The following CAPS2 variants were observed in gnomAD, a reference collection of about 807,000 sequenced individuals.
The protein encoded by CAPS2 is calcyphosin-2.
CAPS2 carries 98 observed loss-of-function variants against 86.5 expected under a neutral mutation model. The ratio of observed to expected loss-of-function variants is 1.13; its 90% confidence interval spans 0.96 to 1.34. The LOEUF (loss-of-function observed/expected upper bound fraction) is 1.34. Among genes scored for constraint, CAPS2 ranks in the 40% most tolerant of loss-of-function variants. The pLI is 0.00. For synonymous variants in CAPS2, 210 were observed against 225.1 expected, an observed-to-expected ratio of 0.93 and a Z score of 0.60; for missense variants, 729 against 686.8, an observed-to-expected ratio of 1.06 and a Z score of -0.69.
intron 9 of CAPS2, among the ~76,000 whole-genome samples, chr12:75,299,496 T>C (rs998900701): frequency 2.0e-5 from 3 of 152,134 alleles, no homozygotes; most frequent in Non-Finnish European, 4.4e-5. Flanking sequence ...TGTTAAATCA[T>C]TAAGATAAAA....
At chr12:75,362,349 G>A (rs2043652446) in intron 1 of CAPS2, among the ~76,000 whole-genome samples, 1 of 152,128 alleles carries the variant, frequency 6.6e-6, no homozygotes, top group Non-Finnish European at 1.5e-5. Context: ...GAGTGACCAT[G>A]CCAAATGCTG....
chr12:75,300,784 G>A (rs2037718824), intron 8 of CAPS2, among the ~76,000 whole-genome samples: 1 of 151,984 alleles, frequency 6.6e-6, no homozygotes, highest in Non-Finnish European at 1.5e-5. Context: ...CGACCAAAAA[G>A]ATATAGGAAA....
At chr12:75,346,450 G>A (rs2042453876) in intron 1 of CAPS2, among the ~76,000 whole-genome samples, 3 of 152,016 alleles carry the variant, frequency 2.0e-5, no homozygotes, top group Admixed American at 2.0e-4. Flanking sequence ...GAGTACAGTG[G>A]CGTGATCTCA....
At chr12:75,382,972 T>G (rs1158190958) in intron 1 of CAPS2, among the ~76,000 whole-genome samples, 1 of 152,216 alleles carries the variant, frequency 6.6e-6, no homozygotes, top group Non-Finnish European at 1.5e-5. Context: ...GATAAATTAT[T>G]TCCATCACTT....
At chr12:75,305,676 A>G (rs1245826529) in intron 7 of CAPS2, 2 of 652,756 alleles carry the variant, frequency 3.1e-6, no homozygotes, top group East Asian at 7.1e-5. Context: ...AGCACTGCCC[A>G]GTCTGGCCCG....
intron 1 of CAPS2, among the ~76,000 whole-genome samples, chr12:75,376,158 T>C (rs893769921): frequency 6.6e-6 from 1 of 152,218 alleles, no homozygotes; most frequent in Non-Finnish European, 1.5e-5. Context: ...GGGCCATCGT[T>C]TGATCCATGT....
chr12:75,308,449 C>T (rs1233488460), intron 7 of CAPS2, among the ~76,000 whole-genome samples: 2 of 152,156 alleles, frequency 1.3e-5, no homozygotes, highest in Non-Finnish European at 2.9e-5. Context: ...GCTGCTCCCA[C>T]CCTGTGGAGT....
intron 6 of CAPS2, among the ~76,000 whole-genome samples, 190 bp downstream of exon 6, chr12:75,316,121 AT>A (rs528691730): frequency 2.2e-4 from 33 of 152,196 alleles, no homozygotes; most frequent in African/African-American, 6.0e-4. Flanking sequence ...ATTCCAGACA[AT>A]TTTTTTACAG....
At chr12:75,304,821 G>A (rs1448073059) in exon 8 of CAPS2, 1 of 1,611,396 alleles carries the variant, frequency 6.2e-7, no homozygotes, top group South Asian at 1.1e-5. Context: ...GGAAGGATAT[G>A]ATCACTTTCT....
chr12:75,289,011 GT>G (rs2035387342), intron 14 of CAPS2, among the ~76,000 whole-genome samples: 1 of 152,184 alleles, frequency 6.6e-6, no homozygotes, highest in Non-Finnish European at 1.5e-5. Flanking sequence ...AGAAAACCCA[GT>G]ATGTGAAGAT....
At chr12:75,280,162 T>C (rs936166304) in intron 16 of CAPS2, among the ~76,000 whole-genome samples, 1 of 151,946 alleles carries the variant, frequency 6.6e-6, no homozygotes, top group African/African-American at 2.4e-5. Flanking sequence ...TACTTTTATC[T>C]AATATATTAC....
At chr12:75,316,326 T>G (rs1026189988) in exon 6 of CAPS2, 3 of 1,550,934 alleles carry the variant, frequency 1.9e-6, no homozygotes, top group Admixed American at 3.9e-5. Flanking sequence ...TCCAATTTTC[T>G]TGCCCTCTGT....
At chr12:75,331,983 T>C (rs2041360125), upstream of CAPS2, among the ~76,000 whole-genome samples, 1 of 152,244 alleles carries the variant, frequency 6.6e-6, no homozygotes, top group African/African-American at 2.4e-5. Flanking sequence ...TGTTGATTCC[T>C]GGCAATTAGA....
chr12:75,377,479 A>C (rs2044710296), intron 1 of CAPS2, among the ~76,000 whole-genome samples: 1 of 152,340 alleles, frequency 6.6e-6, no homozygotes, highest in South Asian at 2.1e-4. Context: ...CCCACAATGC[A>C]GCCATCAGTC....
intron 1 of CAPS2, among the ~76,000 whole-genome samples, chr12:75,339,826 G>A (rs2041983715): frequency 2.0e-5 from 3 of 151,740 alleles, no homozygotes; most frequent in South Asian, 2.1e-4. Context: ...TTCTCCCAGC[G>A]GAAAAGTTAT....
chr12:75,299,596 TA>T (rs957876426), intron 9 of CAPS2, among the ~76,000 whole-genome samples: 2 of 152,128 alleles, frequency 1.3e-5, no homozygotes, highest in Non-Finnish European at 2.9e-5. Flanking sequence ...TGTTACTTTT[TA>T]AAAAATATTT....
chr12:75,383,644 T>C (rs2045122686), intron 1 of CAPS2, among the ~76,000 whole-genome samples: 1 of 152,102 alleles, frequency 6.6e-6, no homozygotes, highest in South Asian at 2.1e-4. Flanking sequence ...AGAAAATCAG[T>C]AAGGACATAG....
chr12:75,349,851 T>A (rs1035471286), intron 1 of CAPS2, among the ~76,000 whole-genome samples: 9 of 152,306 alleles, frequency 5.9e-5, no homozygotes, highest in African/African-American at 2.2e-4. Context: ...TTATCCAAGA[T>A]AGAATCCATA....
At chr12:75,289,475 C>G in intron 14 of CAPS2, 146 bp downstream of exon 14, 1 of 650,382 alleles carries the variant, frequency 1.5e-6, no homozygotes, top group African/African-American at 1.8e-5. Context: ...TAAAAACCAA[C>G]AGGGCTTGTA....
Sources: allele counts gnomAD v4.1 joint callset (sites outside exome capture counted in the v4.1 genomes callset), GRCh38; gene constraint gnomAD v4.1.1; transcripts MANE v1.5; gene names NCBI Gene and HGNC (gene_info 2026-07-23, HGNC 2026-07-21).